TEAD1: variants seen among roughly 807,000 people sequenced by gnomAD.
The protein encoded by TEAD1 is transcriptional enhancer factor TEF-1.
In TEAD1, 9 loss-of-function variants were observed where a neutral mutation model predicts 54.9. That is an observed-to-expected ratio of 0.16 (90% CI 0.10 to 0.29). The LOEUF (loss-of-function observed/expected upper bound fraction) is 0.29. Among genes scored for constraint, TEAD1 ranks in the 10% least tolerant of loss-of-function variants. The pLI, the probability that TEAD1 is intolerant of heterozygous loss-of-function variation, is 1.00. For missense variants in TEAD1, 387 were observed against 535.9 expected, an observed-to-expected ratio of 0.72 and a Z score of 2.74; for synonymous variants, 200 against 187.8, an observed-to-expected ratio of 1.07 and a Z score of -0.53.
At chr11:12,714,933 T>C (rs547758572) in intron 2 of TEAD1, among the ~76,000 whole-genome samples, 11 of 152,172 alleles carry the variant, frequency 7.2e-5, no homozygotes, top group Non-Finnish European at 1.5e-4. Flanking sequence ...CTCCAAATGC[T>C]GTCACATCCT....
chr11:12,737,740 C>A (rs1319504394), intron 2 of TEAD1, among the ~76,000 whole-genome samples: 1 of 152,108 alleles, frequency 6.6e-6, no homozygotes, highest in African/African-American at 2.4e-5. Flanking sequence ...AGTAGCAAAT[C>A]AAAAATTCTT....
At chr11:12,884,776 T>C (rs1370758415) in intron 9 of TEAD1, among the ~76,000 whole-genome samples, 1 of 152,090 alleles carries the variant, frequency 6.6e-6, no homozygotes, top group East Asian at 1.9e-4. Context: ...ACTGGATGAC[T>C]CCTTCCAAGC....
chr11:12,940,952 C>A lies in TEAD1; in HGVS notation c.*3730C>A, dbSNP rs868639044. 2 of 152,170 alleles carry A rather than the reference C, an allele frequency of 1.3e-5. No individual in the cohort carries two copies. Among genetic ancestry groups the A allele is most frequent in the Non-Finnish European group, 2.9e-5 (2 of 68,042 alleles). 9.4% of individuals were successfully genotyped at this position (152,170 alleles called of 1,614,324 possible). A position where few individuals can be genotyped will look rare whatever the true frequency, so the allele number is the denominator to read the frequency against. On this transcript the variant is annotated 3_prime_UTR_variant, in exon 13 of 13. Coordinates refer to ENST00000527636, the MANE Select transcript of TEAD1 (RefSeq NM_021961.6). ...TTGAGCTGAAAGCACAGTCTACTCTCCTTCGTTTTGTCGATGAGAAAGTTG... is the reference window on the plus strand; with the variant it reads ...TTGAGCTGAAAGCACAGTCTACTCTACTTCGTTTTGTCGATGAGAAAGTTG...
chr11:12,818,197 A>T (rs571594119), intron 3 of TEAD1, among the ~76,000 whole-genome samples: 1 of 152,350 alleles, frequency 6.6e-6, no homozygotes, highest in African/African-American at 2.4e-5. Context: ...CTTTTCATCT[A>T]TATGACGTTA....
At position 12,687,533 on chromosome 11, in the gene TEAD1, C is replaced by T. The variant is rs58582236; in HGVS notation, c.-55+11972C>T. Among the ~76,000 whole-genome samples the T allele has an allele frequency of 6.4e-3, 971 of 152,320 alleles. 7 individuals are homozygous for T. The highest frequency in any genetic ancestry group is 0.022 in the African/African-American group (926 of 41,572). On this transcript the variant is annotated intron_variant, in intron 2 of 12. Transcript: ENST00000527636. ...TCTGTGTGACTCCACAGCTGTCAGG[C>T]TAACAAAGGACTGCACATCAAGTCA...
At chr11:12,888,140 G>T (rs1230131475) in intron 9 of TEAD1, among the ~76,000 whole-genome samples, 1 of 152,210 alleles carries the variant, frequency 6.6e-6, no homozygotes, top group Non-Finnish European at 1.5e-5. Context: ...TACAGAAGAG[G>T]CTTGGAGAGA....
chr11:12,785,448 T>A (rs7952015), intron 3 of TEAD1, among the ~76,000 whole-genome samples: 3 of 152,152 alleles, frequency 2.0e-5, no homozygotes, highest in African/African-American at 7.2e-5. Context: ...CTGGTGCCTA[T>A]AATGACCATA....
chr11:12,930,410 G>A (rs1948991967), intron 12 of TEAD1, 84 bp downstream of exon 12: 1 of 1,555,172 alleles, frequency 6.4e-7, no homozygotes, highest in East Asian at 2.2e-5. Flanking sequence ...GGGAGGCGCT[G>A]GGCCTGCGCC....
chr11:12,933,563 T>C (rs1949050337), intron 12 of TEAD1, among the ~76,000 whole-genome samples: 1 of 152,210 alleles, frequency 6.6e-6, no homozygotes. Flanking sequence ...ATTTTTATTA[T>C]GTCTTTTTTC....
chr11:12,774,075 G>A (rs1308714839), intron 3 of TEAD1, among the ~76,000 whole-genome samples: 2 of 152,214 alleles, frequency 1.3e-5, no homozygotes, highest in Non-Finnish European at 2.9e-5. Flanking sequence ...AAGTGACAGG[G>A]TGAAGCTGGA....
At position 12,697,519 on chromosome 11, in the gene TEAD1, A is replaced by G. The variant is rs1379661042; in HGVS notation, c.-55+21958A>G. 4.6e-5 allele frequency among the ~76,000 whole-genome samples: 7 copies of G among 152,236 alleles called. No individual in the cohort carries two copies. The South Asian group carries it at 1.2e-3, about 27-fold the overall frequency. On this transcript the variant is annotated intron_variant, in intron 2 of 12. Transcript: ENST00000527636. ...GATTTTTTTGGGGAGGAAAACCCCT[A>G]CAAGTACATTAGCAGATGTACATAC... is the stretch of plus-strand genomic sequence containing the variant.
intron 2 of TEAD1, among the ~76,000 whole-genome samples, chr11:12,719,574 T>TGTG (rs1944137378): frequency 5.2e-5 from 1 of 19,304 alleles, no homozygotes; most frequent in Non-Finnish European, 1.4e-4. Flanking sequence ...TCCTTTTTTT[T>TGTG]GGGGGGAGGG....
chr11:12,921,170 T>G (rs560750732), intron 10 of TEAD1: 52 of 152,316 alleles, frequency 3.4e-4, no homozygotes, highest in African/African-American at 1.2e-3. Context: ...TGGCAAATTT[T>G]GGGGTTCATG....
At chr11:12,918,719 A>G (rs968342593) in intron 10 of TEAD1, among the ~76,000 whole-genome samples, 1 of 152,202 alleles carries the variant, frequency 6.6e-6, no homozygotes, top group African/African-American at 2.4e-5. Context: ...ACTCTTCTTA[A>G]TAGGTCCATT....
intron 10 of TEAD1, among the ~76,000 whole-genome samples, chr11:12,916,596 T>C (rs1353590225): frequency 6.6e-6 from 1 of 152,220 alleles, no homozygotes; most frequent in Non-Finnish European, 1.5e-5. Flanking sequence ...CCGTGGCCTT[T>C]GGAAACACAT....
At chr11:12,860,350 C>T (rs777159750) in intron 3 of TEAD1, among the ~76,000 whole-genome samples, 16 of 152,106 alleles carry the variant, frequency 1.1e-4, no homozygotes, top group Admixed American at 2.0e-4. Flanking sequence ...TTCAGGAATG[C>T]GAATGGATGA....
At chr11:12,866,844 G>C (rs1159449719) in intron 5 of TEAD1, among the ~76,000 whole-genome samples, 1 of 152,212 alleles carries the variant, frequency 6.6e-6, no homozygotes, top group Non-Finnish European at 1.5e-5. Flanking sequence ...GTGATGGGCA[G>C]TTAACAGCCA....
At position 12,943,514 on chromosome 11, in the gene TEAD1, TC is replaced by T. The variant is rs1229723892; in HGVS notation, c.*6293del. The T allele has an allele frequency of 6.6e-6, 1 of 152,544 alleles. No individual in the cohort carries two copies. The highest frequency in any genetic ancestry group is 1.9e-4 in the East Asian group (1 of 5,202). 9.4% of individuals were successfully genotyped at this position (152,544 alleles called of 1,614,324 possible). On this transcript the variant is annotated 3_prime_UTR_variant, in exon 13 of 13. Coordinates refer to ENST00000527636, the MANE Select transcript of TEAD1 (RefSeq NM_021961.6). The stretch of plus-strand genomic sequence containing the variant: ...TTGTCCTACTTCCTAAGCCGTAACT[TC>T]TTTTCCTCTGTGAATTTGCATTGAG...
At chr11:12,912,640 A>C (rs114368671) in intron 10 of TEAD1, among the ~76,000 whole-genome samples, 2,414 of 152,270 alleles carry the variant, frequency 0.016, 72 homozygotes, top group African/African-American at 0.054. Flanking sequence ...CCTAAAACGT[A>C]GTAGGAATGA....
Sources: gnomAD v4.1 joint callset for allele counts (sites outside exome capture counted in the v4.1 genomes callset) on GRCh38, gnomAD v4.1.1 for gene constraint, MANE v1.5 for transcripts, NCBI Gene and HGNC (gene_info 2026-07-23, HGNC 2026-07-21) for gene names.